Variants in EGFL6 observed in about 807,000 individuals in gnomAD.
EGFL6 encodes epidermal growth factor-like protein 6.
EGFL6 carries 42 observed loss-of-function variants against 43.1 expected under a neutral mutation model. The ratio of observed to expected loss-of-function variants is 0.98; its 90% confidence interval spans 0.76 to 1.26. The LOEUF is 1.26. Among genes scored for constraint, EGFL6 ranks in the 50% most tolerant of loss-of-function variants. The probability of loss-of-function intolerance (pLI) is 0.00; values close to 1 mark genes in which losing one functional copy is unlikely to be tolerated. For synonymous variants in EGFL6, 164 were observed against 163.2 expected (o/e 1.01, Z -0.04); for missense variants, 429 against 427.8 (o/e 1.00, Z -0.02).
chrX:13,619,919 A>G (rs1258503218), intron 9 of EGFL6, among the ~76,000 whole-genome samples: 2 of 111,661 alleles, frequency 1.8e-5, no homozygotes, highest in Non-Finnish European at 3.8e-5. Flanking sequence ...GCTGTTTCTC[A>G]TGAGGCAACA....
At chrX:13,592,870 G>A (rs7891982) in intron 2 of EGFL6, among the ~76,000 whole-genome samples, 3 of 69,572 alleles carry the variant, frequency 4.3e-5, no homozygotes, top group African/African-American at 5.7e-5. Context: ...TCGGGGGGGT[G>A]GGGGGGCTAG....
In EGFL6 at chrX:13,618,023, G is replaced by C; in HGVS notation, c.1072G>C (p.Glu358Gln). The C allele has an allele frequency of 8.3e-7, 1 of 1,202,728 alleles. No homozygotes were observed. The highest frequency in any genetic ancestry group is 1.1e-6 in the Non-Finnish European group (1 of 891,119). ...REEKALKNDI[E>Q]ERSLRGDVFF... ...AGAGAAAGCCCTGAAGAATGACATA[G>C]AGGAGCGAAGCCTGCGAGGAGATGT... The change falls in exon 8 of 12, where the codon GAG becomes CAG. Residue 358 changes from glutamate (E) to glutamine (Q), a missense_variant. Glu to Gln is a conservative substitution (Grantham distance 29). Coordinates refer to ENST00000361306, the MANE Select transcript of EGFL6 (RefSeq NM_015507.4).
At chrX:13,591,782 T>C (rs1246697703) in intron 2 of EGFL6, among the ~76,000 whole-genome samples, 2 of 111,219 alleles carry the variant, frequency 1.8e-5, no homozygotes, top group Non-Finnish European at 3.8e-5. Flanking sequence ...CCTGGAGCCT[T>C]CTAGCTCTCA....
At chrX:13,578,298 T>C (rs1262317212) in intron 1 of EGFL6, among the ~76,000 whole-genome samples, 1 of 108,635 alleles carries the variant, frequency 9.2e-6, no homozygotes, top group African/African-American at 3.4e-5. Context: ...GGAGAGGATG[T>C]GGAGAAATAG....
Position 13,569,771 on chromosome X carries a change from GGAGA to G in EGFL6, c.-87_-84del. 2.2e-6 allele frequency: 2 copies of G among 917,801 alleles called. No individual in the cohort carries two copies. Among genetic ancestry groups the G allele is most frequent in the Admixed American group, 2.2e-5 (1 of 44,546 alleles). The allele number at this position is 917,801 out of a possible 1,213,427, so 75.6% of individuals were successfully genotyped here. A position where few individuals can be genotyped will look rare whatever the true frequency, so the allele number is the denominator to read the frequency against. Reference sequence around the variant, plus strand: ...TGGAGCGGAGGACCCGAGCGGCTGAGGAGAGAGGAGGCGGCGGCTTAGCTGCTAC... The same window carrying G: ...TGGAGCGGAGGACCCGAGCGGCTGAGGAGGAGGCGGCGGCTTAGCTGCTAC... On this transcript the variant is annotated 5_prime_UTR_variant, in exon 1 of 12. Transcript: ENST00000361306.
At chrX:13,600,280 C>CTTCTTTTTTTTTTTTT (rs1326551826) in intron 4 of EGFL6, among the ~76,000 whole-genome samples, 186 bp downstream of exon 4, 16 of 44,276 alleles carry the variant, frequency 3.6e-4, no homozygotes, top group Admixed American at 6.6e-4. Flanking sequence ...TTTCTTTCTT[C>CTTCTTTTTTTTTTTTT]TTTTTTTTTT....
chrX:13,622,815 C>T (rs1345755064), intron 9 of EGFL6, among the ~76,000 whole-genome samples: 1 of 112,347 alleles, frequency 8.9e-6, no homozygotes, highest in East Asian at 2.8e-4. Context: ...AAAGTAACCA[C>T]AGGCACTGGT....
At chrX:13,606,600 G>T in intron 6 of EGFL6, 87 bp downstream of exon 6, 6 of 1,025,797 alleles carry the variant, frequency 5.8e-6, no homozygotes, top group Non-Finnish European at 8.0e-6. Flanking sequence ...GTCAATTCAA[G>T]CTATTAGTTG....
At chrX:13,629,939 T>C (rs1488012550) in intron 11 of EGFL6, among the ~76,000 whole-genome samples, 3 of 112,169 alleles carry the variant, frequency 2.7e-5, no homozygotes, top group African/African-American at 9.7e-5. Flanking sequence ...ACGTGGCCCT[T>C]GAAGTCACTC....
chrX:13,603,469 T>C (rs759707390), intron 5 of EGFL6, 33 bp downstream of exon 5: 6 of 1,165,688 alleles, frequency 5.1e-6, no homozygotes, highest in East Asian at 6.1e-5. Context: ...TACTCCTCCT[T>C]CTCCTCCCTT....
At chrX:13,628,196 G>A (rs776446986) in intron 11 of EGFL6, among the ~76,000 whole-genome samples, 2 of 111,422 alleles carry the variant, frequency 1.8e-5, no homozygotes, top group South Asian at 7.6e-4. Context: ...CTAAGAACCA[G>A]TCAAGGGCCA....
At chrX:13,594,747 C>G (rs2045587011) in intron 2 of EGFL6, 89 bp from the exon 3 acceptor site, 1 of 805,774 alleles carries the variant, frequency 1.2e-6, no homozygotes, top group Non-Finnish European at 1.8e-6. Flanking sequence ...ATGGAGTTCT[C>G]TGCCACACAG....
chrX:13,585,951 T>G (rs1164822618), intron 1 of EGFL6, among the ~76,000 whole-genome samples: 1 of 111,993 alleles, frequency 8.9e-6, no homozygotes, highest in Admixed American at 9.5e-5. Context: ...CACAGATGTG[T>G]ATGGTTAAGA....
At position 13,580,908 on chromosome X, in the gene EGFL6, T is replaced by A. The variant is rs150439413; in HGVS notation, c.75-8648T>A. On this transcript the variant is annotated intron_variant, in intron 1 of 11. Coordinates refer to ENST00000361306, the MANE Select transcript of EGFL6 (RefSeq NM_015507.4). ...ATATCATTCTCCCCCATGCTTACTA[T>A]GAATGAATGAATGAGAGGGAGAATA... Among the ~76,000 whole-genome samples, 10 of 112,138 alleles carry A rather than the reference T, an allele frequency of 8.9e-5. No individual in the cohort carries two copies. In the East Asian group the frequency reaches 2.8e-3, roughly 31 times the overall value.
chrX:13,589,858 G>A (rs1047639481), intron 2 of EGFL6, among the ~76,000 whole-genome samples, 190 bp downstream of exon 2: 3 of 112,724 alleles, frequency 2.7e-5, no homozygotes, highest in East Asian at 2.8e-4. Context: ...ATCATACTTG[G>A]CATGATTTAT....
intron 4 of EGFL6, 115 bp downstream of exon 4, chrX:13,600,209 C>T: frequency 1.4e-6 from 1 of 719,148 alleles, no homozygotes; most frequent in Non-Finnish European, 1.9e-6. Context: ...TAATATTGCC[C>T]CCAGCTAAAA....
intron 3 of EGFL6, among the ~76,000 whole-genome samples, chrX:13,597,560 G>C (rs1447731587): frequency 2.7e-5 from 3 of 111,724 alleles, no homozygotes; most frequent in African/African-American, 9.8e-5. Context: ...GAGGTGGGTG[G>C]ATCACTTGAG....
Position 13,617,953 on chromosome X carries a change from G to A in EGFL6, c.1002G>A (p.Gly334=). 8.3e-7 allele frequency: 1 copy of A among 1,211,803 alleles called. No individual in the cohort carries two copies. The highest frequency in any genetic ancestry group is 1.1e-6 in the Non-Finnish European group (1 of 895,457). Residue 334 remains glycine (G), a synonymous_variant, in exon 8 of 12, where the codon GGG becomes GGA. Transcript: ENST00000361306. ...RGGNSHGGKK[G]NEEKMKEGLE... ...GGAACTCTCATGGAGGTAAAAAAGGGAATGAAGAGAAAATGAAAGAGGGGC... is the reference window on the plus strand; with the variant it reads ...GGAACTCTCATGGAGGTAAAAAAGGAAATGAAGAGAAAATGAAAGAGGGGC...
intron 1 of EGFL6, 80 bp downstream of exon 1, chrX:13,570,015 C>T: frequency 1.1e-6 from 1 of 936,005 alleles, no homozygotes; most frequent in Non-Finnish European, 1.5e-6. Context: ...TTTGCAGGCA[C>T]CCCCGCGTGT....
Sources: gnomAD v4.1 joint callset for allele counts (sites outside exome capture counted in the v4.1 genomes callset) on GRCh38, gnomAD v4.1.1 for gene constraint, MANE v1.5 for transcripts, NCBI Gene and HGNC (gene_info 2026-07-23, HGNC 2026-07-21) for gene names.